PTPRO: variants seen among roughly 807,000 people sequenced by gnomAD.
PTPRO encodes the protein protein tyrosine phosphatase receptor type O.
PTPRO carries 62 observed loss-of-function variants against 145.2 expected under a neutral mutation model. The observed-to-expected ratio is 0.43, with a 90% CI of 0.35 to 0.53. PTPRO has a LOEUF of 0.53. Ranked by LOEUF, PTPRO falls within the 20% of genes least tolerant of loss-of-function variation. The pLI is 0.01. For missense variants in PTPRO, 1,345 were observed against 1,482.7 expected, an observed-to-expected ratio of 0.91 and a Z score of 1.53; for synonymous variants, 565 against 514.7, an observed-to-expected ratio of 1.10 and a Z score of -1.32.
At chr12:15,382,832 T>C (rs1267173578) in intron 1 of PTPRO, among the ~76,000 whole-genome samples, 2 of 152,218 alleles carry the variant, frequency 1.3e-5, no homozygotes, top group East Asian at 1.9e-4. Context: ...TAGAATTGTA[T>C]TTTTAATTGA....
At chr12:15,489,011 G>T (rs1941946809) in intron 2 of PTPRO, among the ~76,000 whole-genome samples, 1 of 152,004 alleles carries the variant, frequency 6.6e-6, no homozygotes, top group Admixed American at 6.6e-5. Flanking sequence ...TACACATAGA[G>T]ACACTCTACA....
chr12:15,479,047 G>T (rs747610809), intron 1 of PTPRO, among the ~76,000 whole-genome samples: 3 of 152,144 alleles, frequency 2.0e-5, no homozygotes, highest in Non-Finnish European at 2.9e-5. Context: ...CTGAATGTGC[G>T]GAAAGACTCC....
chr12:15,336,880 T>C (rs868009716), intron 1 of PTPRO, among the ~76,000 whole-genome samples: 14 of 152,196 alleles, frequency 9.2e-5, no homozygotes, highest in African/African-American at 3.4e-4. Context: ...TTGACCTCAC[T>C]GCTCTGGGCA....
At position 15,595,086 on chromosome 12, in the gene PTPRO, C is replaced by T. The variant is rs1558787; in HGVS notation, c.*16+29C>T. 0.96 allele frequency: 1,364,812 copies of T among 1,419,696 alleles called. 668,866 individuals are homozygous for T. The highest frequency in any genetic ancestry group is 1 in the Non-Finnish European group (1,003,128 of 1,006,186). 87.9% of individuals were successfully genotyped at this position (1,419,696 alleles called of 1,614,324 possible). On this transcript the variant is annotated intron_variant, in intron 26 of 26. Transcript: ENST00000281171. ...AGTGGAGAAGAGCTCTCCACGAGTG[C>T]TCAGTCTTAGAACTATTAGAGGGGG...
rs1942222350 is a variant in PTPRO at position 15,501,600 on chromosome 12, G to T, written c.662-20G>T. On this transcript the variant is annotated intron_variant, in intron 4 of 26. Coordinates refer to ENST00000281171, the MANE Select transcript of PTPRO (RefSeq NM_030667.3). ...ATTGAATTAAAAAATACTTGAAAAT[G>T]AAAATTCTCTCTCTTACAGCCCCTT... The T allele has an allele frequency of 1.9e-6, 3 of 1,596,054 alleles. No homozygotes were observed. The highest frequency in any genetic ancestry group is 1.1e-5 in the South Asian group (1 of 90,600).
At chr12:15,501,122 A>G (rs955908576) in intron 4 of PTPRO, among the ~76,000 whole-genome samples, 5 of 152,092 alleles carry the variant, frequency 3.3e-5, no homozygotes, top group African/African-American at 9.7e-5. Context: ...GTGAAGCTAT[A>G]TTTCTAACAT....
Position 15,469,951 on chromosome 12 carries a change from T to A in PTPRO, c.76-14023T>A, listed in dbSNP as rs2287164. ...CATTTGTCCCTACCCCCTAAAAAAC[T>A]GTCATAATAAGCTTTTAGTATTTCC... On this transcript the variant is annotated intron_variant, in intron 1 of 26. Coordinates refer to ENST00000281171, the MANE Select transcript of PTPRO (RefSeq NM_030667.3). Among the ~76,000 whole-genome samples, 858 of 152,226 alleles carry A rather than the reference T, an allele frequency of 5.6e-3. 57 individuals are homozygous for A. The East Asian group carries it at 0.14, about 25-fold the overall frequency.
At chr12:15,483,181 T>C (rs982440420) in intron 1 of PTPRO, among the ~76,000 whole-genome samples, 1 of 152,066 alleles carries the variant, frequency 6.6e-6, no homozygotes, top group African/African-American at 2.4e-5. Flanking sequence ...TGGTACAAAG[T>C]ACATGAGTCT....
rs570757238 is a variant in PTPRO at position 15,459,278 on chromosome 12, C to T, written c.76-24696C>T. On this transcript the variant is annotated intron_variant, in intron 1 of 26. Coordinates refer to ENST00000281171, the MANE Select transcript of PTPRO (RefSeq NM_030667.3). ...CAGGTCTGTGATGGGGGCCGGCATG[C>T]TAGTTCAAACAGCCATCTTTATTTT... Among the ~76,000 whole-genome samples the T allele has an allele frequency of 2.0e-5, 3 of 152,302 alleles. No individual in the cohort carries two copies. In the South Asian group the frequency reaches 6.2e-4, roughly 32 times the overall value.
intron 1 of PTPRO, among the ~76,000 whole-genome samples, chr12:15,345,645 TTGA>T (rs770355644): frequency 1.1e-3 from 163 of 152,106 alleles, no homozygotes; most frequent in Non-Finnish European, 6.9e-4. Context: ...ATACCTAATG[TTGA>T]TGATTGGTTG....
In PTPRO at chr12:15,546,657, C is replaced by A; in HGVS notation, c.2253C>A (p.Phe751Leu). ...GGGTGGAAGAGGGAGTAGCTGATTT[C>A]TTTGAAGTTTTCTGTCAACAAGTTG... ...LLWVEEGVAD[F>L]FEVFCQQVGS... The change falls in exon 13 of 27, where the codon TTC (phenylalanine) becomes TTA (leucine). Residue 751 changes from phenylalanine to leucine, a missense_variant. Physicochemically the swap from Phe to Leu is conservative, Grantham distance 22 (BLOSUM62 0). Transcript: ENST00000281171. 6.2e-7 allele frequency: 1 copy of A among 1,613,952 alleles called. No homozygotes were observed. The highest frequency in any genetic ancestry group is 1.1e-5 in the South Asian group (1 of 91,078).
intron 1 of PTPRO, among the ~76,000 whole-genome samples, chr12:15,375,234 A>G (rs1389793488): frequency 2.6e-5 from 4 of 152,206 alleles, no homozygotes; most frequent in African/African-American, 9.6e-5. Context: ...GATTTGCCAC[A>G]TTTTATGATT....
Position 15,586,914 on chromosome 12 carries a change from T to G in PTPRO, c.3273T>G (p.Asp1091Glu). The change falls in exon 24 of 27, where the codon GAT becomes GAG. Residue 1091 changes from aspartate (D) to glutamate (E), a missense_variant. Coordinates refer to ENST00000281171, the MANE Select transcript of PTPRO (RefSeq NM_030667.3). ...CTCTAAAGGCTGACGAGATGCAGGA[T>G]GTGATGCATTTTAACTACACTGCAT... ...FRINYADEMQ[D>E]VMHFNYTAWP... 1 of 1,614,070 alleles carries G rather than the reference T, an allele frequency of 6.2e-7. No homozygotes were observed. Among genetic ancestry groups the G allele is most frequent in the Non-Finnish European group, 8.5e-7 (1 of 1,179,974 alleles).
chr12:15,574,956 T>C (rs1944146950), intron 19 of PTPRO, among the ~76,000 whole-genome samples: 1 of 152,162 alleles, frequency 6.6e-6, no homozygotes. Flanking sequence ...GGGCTGAATA[T>C]CTGTGGCCCC....
At chr12:15,594,834 G>T in intron 25 of PTPRO, 103 bp from the exon 26 acceptor site, 2 of 802,496 alleles carry the variant, frequency 2.5e-6, no homozygotes, top group South Asian at 2.9e-5. Context: ...AATGAAAATG[G>T]TTTCCTTTAA....
At chr12:15,496,998 G>A (rs1466094388) in intron 2 of PTPRO, among the ~76,000 whole-genome samples, 1 of 152,078 alleles carries the variant, frequency 6.6e-6, no homozygotes, top group East Asian at 1.9e-4. Context: ...CTAGATCTCA[G>A]GACTGTTGCA....
Position 15,566,146 on chromosome 12 carries a change from T to C in PTPRO, c.2747+518T>C, listed in dbSNP as rs115081299. Among the ~76,000 whole-genome samples the C allele has an allele frequency of 5.5e-3, 834 of 152,338 alleles. 5 individuals carry two copies. The highest frequency in any genetic ancestry group is 0.034 in the Middle Eastern group (10 of 294). On this transcript the variant is annotated intron_variant, in intron 18 of 26. Coordinates refer to ENST00000281171, the MANE Select transcript of PTPRO (RefSeq NM_030667.3). ...CTATTAAACCATTAAATGAGAAGAA[T>C]TACTATTGTGGTAAGTGAAAATTAA...
chr12:15,389,355 T>C (rs1464265001), intron 1 of PTPRO, among the ~76,000 whole-genome samples: 1 of 151,930 alleles, frequency 6.6e-6, no homozygotes, highest in Non-Finnish European at 1.5e-5. Flanking sequence ...GATCCGCCCG[T>C]CTCAGGCTCC....
chr12:15,343,905 C>T (rs1353485526), intron 1 of PTPRO, among the ~76,000 whole-genome samples: 1 of 152,112 alleles, frequency 6.6e-6, no homozygotes. Context: ...AGGATGGTCT[C>T]GATCTCCTGA....
Sources: allele counts gnomAD v4.1 joint callset (sites outside exome capture counted in the v4.1 genomes callset), GRCh38; gene constraint gnomAD v4.1.1; transcripts MANE v1.5; gene names NCBI Gene and HGNC (gene_info 2026-07-23, HGNC 2026-07-21).